Variants in TRIQK observed in about 807,000 individuals in gnomAD.
TRIQK encodes the protein triple QxxK/R motif containing.
Under a neutral mutation model 10.8 loss-of-function variants are expected in TRIQK, and 10 were observed. The ratio of observed to expected loss-of-function variants is 0.92; its 90% CI spans 0.57 to 1.57. TRIQK has a LOEUF of 1.57. TRIQK is among the 40% of genes most tolerant of loss of function. TRIQK has a pLI of 0.00. For synonymous variants in TRIQK, 33 were observed against 33.7 expected (o/e 0.98, Z 0.07); for missense variants, 107 against 97.7 (o/e 1.09, Z -0.40).
At chr8:93,009,366 T>A (rs1244251690) in intron 1 of TRIQK, among the ~76,000 whole-genome samples, 1 of 152,104 alleles carries the variant, frequency 6.6e-6, no homozygotes, top group African/African-American at 2.4e-5. Flanking sequence ...TTGCAGCACT[T>A]TGGGAGGCCG....
chr8:92,956,327 G>C (rs1433547991), intron 1 of TRIQK, among the ~76,000 whole-genome samples: 2 of 151,698 alleles, frequency 1.3e-5, no homozygotes, highest in Non-Finnish European at 1.5e-5. Context: ...TATATGAAAT[G>C]TCCAGAATGG....
At chr8:92,893,028 C>G (rs979463360) in intron 3 of TRIQK, among the ~76,000 whole-genome samples, 6 of 151,950 alleles carry the variant, frequency 3.9e-5, no homozygotes, top group Admixed American at 2.0e-4. Context: ...GTTTTATTTT[C>G]ATCTTTTCCC....
intron 1 of TRIQK, among the ~76,000 whole-genome samples, chr8:92,980,944 G>T (rs1812980098): frequency 6.6e-6 from 1 of 150,424 alleles, no homozygotes; most frequent in African/African-American, 2.4e-5. Flanking sequence ...GTTTTTCTAA[G>T]TTCTATGCTT....
chr8:92,939,468 A>G lies in TRIQK; in HGVS notation c.-22+14938T>C, dbSNP rs541220327. Among the ~76,000 whole-genome samples, 11 of 152,270 alleles carry G rather than the reference A, an allele frequency of 7.2e-5. No individual in the cohort carries two copies. The South Asian group carries it at 2.3e-3, about 32-fold the overall frequency. ...ATAAGGCAGGAAGACTCCCAGCTTC[A>G]TGGATGTCAGAGACATGAAGGGATA... is the stretch of plus-strand genomic sequence containing the variant. On this transcript the variant is annotated intron_variant, in intron 2 of 4. Transcript: ENST00000521988.
At chr8:92,927,138 T>C (rs988048715) in intron 2 of TRIQK, among the ~76,000 whole-genome samples, 12 of 151,786 alleles carry the variant, frequency 7.9e-5, no homozygotes, top group African/African-American at 2.9e-4. Context: ...ACAAAAAAAA[T>C]GAATCTATTA....
rs1469179022 is a variant in TRIQK at position 92,886,704 on chromosome 8, G to A, written c.179C>T (p.Ala60Val). ...EVGLVLAAIL[A>V]LLLAFYAFFY... ...GAAAGCATAGAAAGCCAGTAGTAGT[G>A]CCAATATAGCTGCAAGTACAAGGCC... Residue 60 changes from alanine to valine, a missense_variant, in exon 5 of 5, where the codon GCA becomes GTA. Physicochemically the swap from Ala to Val is moderately conservative, Grantham distance 64. Coordinates refer to ENST00000521988, the MANE Select transcript of TRIQK (RefSeq NM_001171797.2). 6 of 1,532,360 alleles carry A rather than the reference G, an allele frequency of 3.9e-6. No individual in the cohort carries two copies. The highest frequency in any genetic ancestry group is 5.2e-6 in the Non-Finnish European group (6 of 1,143,494). 94.9% of individuals were successfully genotyped at this position (1,532,360 alleles called of 1,614,324 possible). A position where few individuals can be genotyped will look rare whatever the true frequency, so the allele number is the denominator to read the frequency against.
chr8:92,959,551 A>C (rs1306485726), intron 1 of TRIQK, among the ~76,000 whole-genome samples: 1 of 151,168 alleles, frequency 6.6e-6, no homozygotes, highest in Non-Finnish European at 1.5e-5. Flanking sequence ...ATATTGCATT[A>C]TCTCATAATA....
chr8:92,922,682 T>C (rs1290762595), intron 2 of TRIQK: 2 of 151,844 alleles, frequency 1.3e-5, no homozygotes, highest in Non-Finnish European at 3.0e-5. Context: ...TATGTTAATA[T>C]ACTTTACATT....
At chr8:93,003,309 G>GGAGAGAGAGAGAGAGAGAGAGAGA (rs71565204) in intron 1 of TRIQK, among the ~76,000 whole-genome samples, 9 of 135,686 alleles carry the variant, frequency 6.6e-5, no homozygotes, top group African/African-American at 2.7e-4. Flanking sequence ...CCCGCTTACA[G>GGAGAGAGAGAGAGAGAGAGAGAGA]GAGAGAGAGA....
At chr8:92,904,939 C>A (rs1809169606) in intron 3 of TRIQK, among the ~76,000 whole-genome samples, 2 of 152,252 alleles carry the variant, frequency 1.3e-5, no homozygotes, top group Admixed American at 6.5e-5. Flanking sequence ...ACTTGCCACA[C>A]CTTACTTACC....
chr8:92,886,572 A>G lies in TRIQK; in HGVS notation c.*50T>C, dbSNP rs746038635. On this transcript the variant is annotated 3_prime_UTR_variant, in exon 5 of 5. Coordinates refer to ENST00000521988, the MANE Select transcript of TRIQK (RefSeq NM_001171797.2). ...TCAGTATTGAAAGTTTTGGTCCCAA[A>G]AGGTGCTTTCGTAAAGTTATTTCTC... is the stretch of plus-strand genomic sequence containing the variant. 2.5e-6 allele frequency: 3 copies of G among 1,202,520 alleles called. No homozygotes were observed. Among genetic ancestry groups the G allele is most frequent in the Non-Finnish European group, 3.4e-6 (3 of 871,830 alleles). 74.5% of individuals were successfully genotyped at this position (1,202,520 alleles called of 1,614,324 possible).
intron 1 of TRIQK, among the ~76,000 whole-genome samples, chr8:92,956,253 T>C (rs1238751367): frequency 2.0e-5 from 3 of 151,804 alleles, no homozygotes; most frequent in Admixed American, 1.3e-4. Flanking sequence ...CTTGTAAACA[T>C]GTATCTAAGT....
At chr8:92,899,608 A>G (rs1176496260) in intron 3 of TRIQK, among the ~76,000 whole-genome samples, 1 of 152,164 alleles carries the variant, frequency 6.6e-6, no homozygotes, top group Non-Finnish European at 1.5e-5. Flanking sequence ...GATGAACAGT[A>G]CTTCATTGTG....
chr8:92,991,463 C>A (rs576320651), intron 1 of TRIQK, among the ~76,000 whole-genome samples: 6 of 152,278 alleles, frequency 3.9e-5, no homozygotes, highest in African/African-American at 1.4e-4. Flanking sequence ...GACTGGGAGA[C>A]ACCTTCCAGC....
intron 3 of TRIQK, among the ~76,000 whole-genome samples, chr8:92,912,703 T>A (rs1809632746): frequency 6.6e-6 from 1 of 151,844 alleles, no homozygotes; most frequent in Non-Finnish European, 1.5e-5. Flanking sequence ...TATAAACAAT[T>A]ATACACCAAC....
At chr8:92,968,343 C>T (rs561385197), upstream of TRIQK, among the ~76,000 whole-genome samples, 12 of 152,130 alleles carry the variant, frequency 7.9e-5, no homozygotes, top group African/African-American at 2.7e-4. Flanking sequence ...GGTCAAATGG[C>T]GTTTCTGGTT....
chr8:92,980,236 G>C lies in TRIQK; in HGVS notation c.-180-25672C>G, dbSNP rs143204001. 9.7e-4 allele frequency among the ~76,000 whole-genome samples: 147 copies of C among 151,872 alleles called. 1 individual carries two copies. The highest frequency in any genetic ancestry group is 3.4e-3 in the African/African-American group (141 of 41,462). On this transcript the variant is annotated intron_variant, in intron 1 of 4. Transcript: ENST00000520686. ...GTTTCATTGTTAATATATATTAATA[G>C]GTATTCTAATATGGGAATTTACTTT... is the stretch of plus-strand genomic sequence containing the variant.
intron 3 of TRIQK, among the ~76,000 whole-genome samples, chr8:92,905,371 T>C: frequency 6.6e-6 from 1 of 152,294 alleles, no homozygotes; most frequent in South Asian, 2.1e-4. Flanking sequence ...AGATCACCTA[T>C]ATAAACTGAC....
intron 2 of TRIQK, chr8:92,922,220 A>T (rs1251798696): frequency 6.6e-6 from 1 of 151,786 alleles, no homozygotes; most frequent in Non-Finnish European, 1.5e-5. Flanking sequence ...AATTCTGTCA[A>T]GACAAGCACC....
Sources: allele counts gnomAD v4.1 joint callset (sites outside exome capture counted in the v4.1 genomes callset), GRCh38; gene constraint gnomAD v4.1.1; transcripts MANE v1.5; gene names NCBI Gene and HGNC (gene_info 2026-07-23, HGNC 2026-07-21).